CSMD1: variants seen among roughly 807,000 people sequenced by gnomAD.
CSMD1 encodes the protein CUB and sushi domain-containing protein 1.
CSMD1 carries 213 observed loss-of-function variants against 417.5 expected under a neutral mutation model. The ratio of observed to expected loss-of-function variants is 0.51; its 90% CI spans 0.46 to 0.57. The LOEUF (loss-of-function observed/expected upper bound fraction) is 0.57. Ranked by LOEUF, CSMD1 falls within the 20% of genes least tolerant of loss-of-function variation. The pLI is 0.00. For synonymous variants in CSMD1, 2,862 were observed against 1,736.8 expected (o/e 1.65, Z -16.11); for missense variants, 6,923 against 4,529.7 (o/e 1.53, Z -15.17).
chr8:4,191,012 T>A (rs922128026), intron 3 of CSMD1, among the ~76,000 whole-genome samples: 3 of 151,916 alleles, frequency 2.0e-5, no homozygotes, highest in Non-Finnish European at 4.4e-5. Context: ...AGTACTTGAG[T>A]GATGAAGTCA....
At chr8:4,960,166 T>G (rs1381977113) in intron 1 of CSMD1, among the ~76,000 whole-genome samples, 1 of 152,184 alleles carries the variant, frequency 6.6e-6, no homozygotes, top group East Asian at 1.9e-4. Flanking sequence ...ACAAAACTCT[T>G]TTTCAATATT....
chr8:3,751,507 A>T (rs2129053213), intron 6 of CSMD1, among the ~76,000 whole-genome samples: 1 of 149,018 alleles, frequency 6.7e-6, no homozygotes. Flanking sequence ...AAATAATGTA[A>T]TTATAATTTA....
At chr8:3,457,380 G>C (rs1193140487) in intron 12 of CSMD1, among the ~76,000 whole-genome samples, 1 of 152,078 alleles carries the variant, frequency 6.6e-6, no homozygotes, top group Non-Finnish European at 1.5e-5. Flanking sequence ...CTCATTCTCA[G>C]TCTCAGATGG....
chr8:4,006,652 T>C (rs1007703561), intron 4 of CSMD1, among the ~76,000 whole-genome samples: 3 of 152,184 alleles, frequency 2.0e-5, no homozygotes, highest in African/African-American at 7.2e-5. Context: ...GGAACAGCAC[T>C]TGTTTATGTC....
chr8:4,402,168 C>A (rs566667186), intron 3 of CSMD1, among the ~76,000 whole-genome samples: 1 of 152,216 alleles, frequency 6.6e-6, no homozygotes, highest in Admixed American at 6.5e-5. Flanking sequence ...CTAATACCAA[C>A]CACATCTACT....
chr8:3,984,737 ATATATATATATATATT>A lies in CSMD1; in HGVS notation c.818+13150_818+13165del, dbSNP rs1163224263. On this transcript the variant is annotated intron_variant, in intron 5 of 69. Transcript: ENST00000635120. ...TATATATATATATATATATATATATATATATATATATATATTTGTATGTATTTGTGCGTGTGTGTGT... is the reference window on the plus strand; with the variant it reads ...TATATATATATATATATATATATATATGTATGTATTTGTGCGTGTGTGTGT... 3.5e-3 allele frequency among the ~76,000 whole-genome samples: 333 copies of A among 95,678 alleles called. 7 individuals carry two copies. The highest frequency in any genetic ancestry group is 7.9e-3 in the African/African-American group (180 of 22,804). The allele number at this position is 95,678 out of a possible 152,430, so 62.8% of individuals were successfully genotyped here.
intron 3 of CSMD1, among the ~76,000 whole-genome samples, chr8:4,305,734 C>G (rs1424002124): frequency 2.6e-5 from 4 of 152,144 alleles, no homozygotes; most frequent in African/African-American, 7.2e-5. Context: ...TGTACAGATG[C>G]CACACCAGCC....
intron 3 of CSMD1, among the ~76,000 whole-genome samples, chr8:4,048,829 G>A (rs1411003640): frequency 6.6e-6 from 1 of 152,182 alleles, no homozygotes; most frequent in Non-Finnish European, 1.5e-5. Context: ...TCACTCAATA[G>A]TACACCTTAG....
At chr8:4,957,404 G>T (rs1809191248) in intron 1 of CSMD1, among the ~76,000 whole-genome samples, 1 of 152,150 alleles carries the variant, frequency 6.6e-6, no homozygotes, top group South Asian at 2.1e-4. Context: ...AAATCTACGG[G>T]CACTATGGTC....
At chr8:4,010,254 T>G (rs1227538643) in intron 4 of CSMD1, among the ~76,000 whole-genome samples, 1 of 152,078 alleles carries the variant, frequency 6.6e-6, no homozygotes, top group East Asian at 1.9e-4. Context: ...ACTCATGGTC[T>G]TCCCTCCCTC....
At chr8:4,488,510 A>G (rs548977753) in intron 2 of CSMD1, among the ~76,000 whole-genome samples, 2 of 152,288 alleles carry the variant, frequency 1.3e-5, no homozygotes, top group South Asian at 4.1e-4. Flanking sequence ...ACTCTGAATC[A>G]AACATTGGAT....
chr8:4,247,379 T>G (rs114175323), intron 3 of CSMD1, among the ~76,000 whole-genome samples: 145 of 152,110 alleles, frequency 9.5e-4, no homozygotes, highest in African/African-American at 3.4e-3. Context: ...TAAGGTAGAG[T>G]CAGTTGTAGA....
At chr8:3,332,205 C>T (rs894975117) in intron 23 of CSMD1, among the ~76,000 whole-genome samples, 2 of 152,222 alleles carry the variant, frequency 1.3e-5, no homozygotes, top group Admixed American at 1.3e-4. Flanking sequence ...TGCTTGATGG[C>T]ATGAAAACAA....
chr8:4,368,990 T>C (rs1013040241), intron 3 of CSMD1, among the ~76,000 whole-genome samples: 1 of 152,128 alleles, frequency 6.6e-6, no homozygotes, highest in Non-Finnish European at 1.5e-5. Flanking sequence ...TCTGCTATGT[T>C]TGGGGATGGT....
chr8:2,945,329 G>C (rs1205435790), intron 68 of CSMD1, among the ~76,000 whole-genome samples: 2 of 152,046 alleles, frequency 1.3e-5, no homozygotes, highest in Non-Finnish European at 2.9e-5. Context: ...TATTTATGAG[G>C]CTCTTCCATT....
At chr8:4,156,257 T>C (rs1346034460) in intron 3 of CSMD1, among the ~76,000 whole-genome samples, 1 of 152,164 alleles carries the variant, frequency 6.6e-6, no homozygotes, top group Non-Finnish European at 1.5e-5. Flanking sequence ...TACTAACTTT[T>C]TAATTATGGC....
intron 8 of CSMD1, among the ~76,000 whole-genome samples, chr8:3,609,811 C>T (rs1242238356): frequency 1.2e-3 from 88 of 75,292 alleles, no homozygotes; most frequent in East Asian, 4.4e-3. Context: ...AGTATCTTCC[C>T]TTTTTTTTTT....
At chr8:4,560,337 C>G (rs1333047641) in intron 2 of CSMD1, among the ~76,000 whole-genome samples, 2 of 152,172 alleles carry the variant, frequency 1.3e-5, no homozygotes, top group African/African-American at 2.4e-5. Flanking sequence ...ACGTGGTCTC[C>G]TACATGTGTT....
At chr8:4,825,228 T>C (rs11774281) in intron 1 of CSMD1, among the ~76,000 whole-genome samples, 1 of 151,900 alleles carries the variant, frequency 6.6e-6, no homozygotes, top group Non-Finnish European at 1.5e-5. Flanking sequence ...ACGTTTAATA[T>C]ACATACTTGG....
Sources: gnomAD v4.1 joint callset for allele counts (sites outside exome capture counted in the v4.1 genomes callset) on GRCh38, gnomAD v4.1.1 for gene constraint, MANE v1.5 for transcripts, NCBI Gene and HGNC (gene_info 2026-07-23, HGNC 2026-07-21) for gene names.